The following CFAP54 variants were observed in gnomAD, a reference collection of about 807,000 sequenced individuals.
The protein encoded by CFAP54 is cilia- and flagella-associated protein 54.
In CFAP54, 290 loss-of-function variants were observed where a neutral mutation model predicts 370.4. That is an observed-to-expected ratio of 0.78 (90% CI 0.71 to 0.86). CFAP54 has a LOEUF of 0.86. Ranked by LOEUF, CFAP54 falls within the 40% of genes least tolerant of loss-of-function variation. The pLI is 0.00. For missense variants in CFAP54, 3,399 were observed against 3,528.7 expected (o/e 0.96, Z 0.93); for synonymous variants, 1,206 against 1,236.5 (o/e 0.98, Z 0.52).
chr12:96,765,309 T>G lies in CFAP54; in HGVS notation c.8281+91T>G. 5 of 1,198,806 alleles carry G rather than the reference T, an allele frequency of 4.2e-6. No homozygotes were observed. The South Asian group carries it at 1.3e-4, about 31-fold the overall frequency. 74.3% of individuals were successfully genotyped at this position (1,198,806 alleles called of 1,614,324 possible). On this transcript the variant is annotated intron_variant, in intron 60 of 67. Transcript: ENST00000524981. ...AGATTTAATTGTAATTTGTTGGCTT[T>G]TAGCTTAGATGGGATAATGTTTGGG...
rs183948646 is a variant in CFAP54 at position 96,610,604 on chromosome 12, G to A, written c.3640-10986G>A. ...CAGGGTGAGGCATTGCCTTACCCAGGAAGCACAAGGGGTCAGGGAATTCCG... is the reference window on the plus strand; with the variant it reads ...CAGGGTGAGGCATTGCCTTACCCAGAAAGCACAAGGGGTCAGGGAATTCCG... On this transcript the variant is annotated intron_variant, in intron 26 of 67. Transcript: ENST00000524981. Among the ~76,000 whole-genome samples the A allele has an allele frequency of 4.1e-3, 626 of 152,302 alleles. 7 individuals carry two copies. Among genetic ancestry groups the A allele is most frequent in the African/African-American group, 0.014 (579 of 41,562 alleles).
rs142575252 is a variant in CFAP54 at position 96,650,618 on chromosome 12, A to G, written c.4872+546A>G. Among the ~76,000 whole-genome samples, 5 of 152,260 alleles carry G rather than the reference A, an allele frequency of 3.3e-5. No individual in the cohort carries two copies. The East Asian group carries it at 7.7e-4, about 24-fold the overall frequency. On this transcript the variant is annotated intron_variant, in intron 35 of 67. Transcript: ENST00000524981. Reference sequence around the variant, plus strand: ...AGACATGATTAAACCCAGAATTGGAATTGTTAGCTACAAAGAAATCAGTTT... The same window carrying G: ...AGACATGATTAAACCCAGAATTGGAGTTGTTAGCTACAAAGAAATCAGTTT...
chr12:96,741,776 G>C (rs1474852783), intron 51 of CFAP54, among the ~76,000 whole-genome samples: 1 of 152,174 alleles, frequency 6.6e-6, no homozygotes, highest in Non-Finnish European at 1.5e-5. Flanking sequence ...GTAATATTGA[G>C]GGTGGCAAAT....
chr12:96,729,474 G>A (rs1432160537), intron 50 of CFAP54, among the ~76,000 whole-genome samples: 7 of 152,218 alleles, frequency 4.6e-5, no homozygotes, highest in African/African-American at 9.6e-5. Flanking sequence ...GGGCGTGGGC[G>A]TAGGACCCTC....
At chr12:96,825,683 C>CACGATATATATTATATATAAT (rs1959090687) in intron 65 of CFAP54, among the ~76,000 whole-genome samples, 1 of 120,106 alleles carries the variant, frequency 8.3e-6, no homozygotes, top group Non-Finnish European at 1.6e-5. Flanking sequence ...TTATATATAA[C>CACGATATATATTATATATAAT]ATATCACGAT....
At chr12:96,758,305 T>C (rs1362886092) in intron 58 of CFAP54, among the ~76,000 whole-genome samples, 5 of 152,162 alleles carry the variant, frequency 3.3e-5, no homozygotes, top group African/African-American at 1.2e-4. Context: ...GAAAGAGATT[T>C]AACGGACTCA....
chr12:96,554,428 A>G (rs1027671746), intron 16 of CFAP54, 118 bp downstream of exon 16: 3 of 1,268,520 alleles, frequency 2.4e-6, no homozygotes, highest in Middle Eastern at 2.0e-4. Flanking sequence ...TAGGCCAGAA[A>G]TATATTTCCC....
intron 67 of CFAP54, among the ~76,000 whole-genome samples, chr12:96,868,561 A>C (rs1960069536): frequency 7.1e-6 from 1 of 141,154 alleles, no homozygotes. Context: ...AGTGGTTCTT[A>C]TTTTTTAAAT....
At chr12:96,687,432 TAAC>T (rs1957341516) in intron 42 of CFAP54, among the ~76,000 whole-genome samples, 1 of 152,196 alleles carries the variant, frequency 6.6e-6, no homozygotes, top group South Asian at 2.1e-4. Context: ...AATTTCTGAT[TAAC>T]ATGAGAAATT....
At chr12:96,548,043 T>C (rs1270944796) in intron 15 of CFAP54, 65 bp downstream of exon 15, 1 of 683,554 alleles carries the variant, frequency 1.5e-6, no homozygotes, top group African/African-American at 1.9e-5. Context: ...AATATTAAAT[T>C]TGTAAATGCA....
chr12:96,757,628 T>C (rs1592745479), intron 58 of CFAP54, 40 bp downstream of exon 58: 1 of 1,227,134 alleles, frequency 8.1e-7, no homozygotes, highest in Non-Finnish European at 1.2e-6. Context: ...GTTAATTGCC[T>C]TTGAGCTTGC....
Position 96,576,766 on chromosome 12 carries a change from G to A in CFAP54, c.2796+5G>A, listed in dbSNP as rs1955982428. 2.0e-6 allele frequency: 3 copies of A among 1,521,836 alleles called. No homozygotes were observed. The South Asian group carries it at 3.7e-5, about 19-fold the overall frequency. The allele number at this position is 1,521,836 out of a possible 1,614,324, so 94.3% of individuals were successfully genotyped here. On this transcript the variant is annotated splice_donor_5th_base_variant and intron_variant, in intron 20 of 67. Transcript: ENST00000524981. ...CCATTTACTTCAGAGGTTAAGGTAT[G>A]GTGTCCAGTAAAATTTTTGCCTCAT...
At chr12:96,689,060 C>A in intron 43 of CFAP54, 78 bp downstream of exon 43, 1 of 816,172 alleles carries the variant, frequency 1.2e-6, no homozygotes, top group Non-Finnish European at 1.9e-6. Context: ...TTATCATATT[C>A]AGAAAACTCA....
intron 15 of CFAP54, among the ~76,000 whole-genome samples, chr12:96,552,487 G>T (rs1302757257): frequency 6.6e-6 from 1 of 151,828 alleles, no homozygotes; most frequent in Non-Finnish European, 1.5e-5. Context: ...GGGACTACAG[G>T]TCTGCACCAT....
chr12:96,825,377 G>GTTATATTATATATTA (rs1351395402), intron 65 of CFAP54, among the ~76,000 whole-genome samples: 1 of 109,964 alleles, frequency 9.1e-6, no homozygotes, highest in East Asian at 2.5e-4. Flanking sequence ...TATGTAACAT[G>GTTATATTATATATTA]TGTTATATAT....
At chr12:96,694,347 C>G (rs907338282) in intron 45 of CFAP54, among the ~76,000 whole-genome samples, 2 of 152,172 alleles carry the variant, frequency 1.3e-5, no homozygotes, top group African/African-American at 4.8e-5. Context: ...TCTCTGCTCT[C>G]TTTCCTAATC....
chr12:96,576,821 C>T, intron 20 of CFAP54, 60 bp downstream of exon 20: 1 of 1,323,840 alleles, frequency 7.6e-7, no homozygotes, highest in Non-Finnish European at 1.0e-6. Context: ...TTTATAACTA[C>T]CATGATTCAT....
chr12:96,616,937 A>T (rs184203583), intron 26 of CFAP54, among the ~76,000 whole-genome samples: 17 of 152,334 alleles, frequency 1.1e-4, no homozygotes, highest in Non-Finnish European at 2.1e-4. Context: ...TGAGGCAGAG[A>T]TGAGTTCAGA....
intron 63 of CFAP54, among the ~76,000 whole-genome samples, chr12:96,808,380 A>T (rs1321007870): frequency 6.6e-6 from 1 of 152,116 alleles, no homozygotes; most frequent in Non-Finnish European, 1.5e-5. Flanking sequence ...TCAGATGAAC[A>T]CATCTTCCAG....
Sources: allele counts gnomAD v4.1 joint callset (sites outside exome capture counted in the v4.1 genomes callset), GRCh38; gene constraint gnomAD v4.1.1; transcripts MANE v1.5; gene names NCBI Gene and HGNC (gene_info 2026-07-23, HGNC 2026-07-21).